Variants in EGFL6 observed in about 807,000 individuals in gnomAD.
The protein encoded by EGFL6 is epidermal growth factor-like protein 6.
A neutral mutation model predicts 43.1 loss-of-function variants in EGFL6; 42 were observed. The observed-to-expected ratio is 0.98, with a 90% CI of 0.76 to 1.26. The LOEUF (loss-of-function observed/expected upper bound fraction) is 1.26. Among genes scored for constraint, EGFL6 ranks in the 50% most tolerant of loss-of-function variants. The pLI is 0.00. For missense variants in EGFL6, 429 were observed against 427.8 expected, an observed-to-expected ratio of 1.00 and a Z score of -0.02; for synonymous variants, 164 against 163.2, an observed-to-expected ratio of 1.01 and a Z score of -0.04.
chrX:13,619,358 G>A, intron 9 of EGFL6, 115 bp downstream of exon 9: 3 of 639,696 alleles, frequency 4.7e-6, no homozygotes, highest in Non-Finnish European at 7.5e-6. Context: ...AAACCCCCAA[G>A]GGAAAAATCA....
intron 1 of EGFL6, among the ~76,000 whole-genome samples, chrX:13,582,830 A>G (rs1036513523): frequency 1.1e-4 from 12 of 111,744 alleles, no homozygotes; most frequent in African/African-American, 3.9e-4. Flanking sequence ...TGACTGGTAC[A>G]TATGAAGTAG....
chrX:13,627,342 C>A, intron 11 of EGFL6, 66 bp downstream of exon 11: 1 of 1,143,006 alleles, frequency 8.7e-7, no homozygotes, highest in Non-Finnish European at 1.2e-6. Context: ...ACAAATGAAA[C>A]AAAACATTTA....
rs775052235 is a variant in EGFL6, at chrX:13,597,533, C to T, written c.281-2442C>T. 3.6e-5 allele frequency among the ~76,000 whole-genome samples: 4 copies of T among 112,022 alleles called. No homozygotes were observed. The South Asian group carries it at 1.1e-3, about 31-fold the overall frequency. ...GCACAGTGGCTCACACCTGTAATTC[C>T]GGCACTTAGGGAGGTCGAGGTGGGT... On this transcript the variant is annotated intron_variant, in intron 3 of 11. Coordinates refer to ENST00000361306, the MANE Select transcript of EGFL6 (RefSeq NM_015507.4).
At chrX:13,623,604 C>T (rs778541271) in intron 9 of EGFL6, among the ~76,000 whole-genome samples, 1 of 107,660 alleles carries the variant, frequency 9.3e-6, no homozygotes, top group African/African-American at 3.4e-5. Flanking sequence ...GAACTCCTGA[C>T]CTCGTGATCT....
chrX:13,588,687 C>T (rs150363714), intron 1 of EGFL6, among the ~76,000 whole-genome samples: 2 of 110,386 alleles, frequency 1.8e-5, no homozygotes, highest in East Asian at 2.8e-4. Flanking sequence ...AGCCCATGAG[C>T]GAAGAACAGT....
intron 10 of EGFL6, among the ~76,000 whole-genome samples, chrX:13,625,862 G>A (rs2045776096): frequency 1.1e-5 from 1 of 94,831 alleles, no homozygotes; most frequent in South Asian, 5.3e-4. Context: ...CTCCAGCCTG[G>A]GTGACAGAGT....
At chrX:13,624,489 A>T (rs2045767621) in intron 10 of EGFL6, among the ~76,000 whole-genome samples, 1 of 110,225 alleles carries the variant, frequency 9.1e-6, no homozygotes, top group South Asian at 3.8e-4. Context: ...CTGTCCTTGA[A>T]TTTTTCTCAA....
intron 5 of EGFL6, among the ~76,000 whole-genome samples, chrX:13,605,073 AC>A (rs2045652798): frequency 8.9e-6 from 1 of 111,918 alleles, no homozygotes; most frequent in Non-Finnish European, 1.9e-5. Context: ...GATTTATATG[AC>A]AAGGCTAATT....
intron 9 of EGFL6, 137 bp from the exon 10 acceptor site, chrX:13,623,687 A>C (rs1193851961): frequency 6.6e-6 from 3 of 453,849 alleles, no homozygotes; most frequent in Non-Finnish European, 1.1e-5. Flanking sequence ...GGCTTCACAG[A>C]CATAACTCAA....
chrX:13,591,943 G>C (rs1328302658), intron 2 of EGFL6, among the ~76,000 whole-genome samples: 1 of 111,925 alleles, frequency 8.9e-6, no homozygotes, highest in East Asian at 2.8e-4. Context: ...AAGTTTGGGG[G>C]AGAACCAAAT....
intron 7 of EGFL6, among the ~76,000 whole-genome samples, chrX:13,612,952 C>G (rs2045699578): frequency 9.2e-6 from 1 of 109,227 alleles, no homozygotes; most frequent in African/African-American, 3.3e-5. Context: ...CAAGACCAGC[C>G]TGGGCAACAC....
intron 7 of EGFL6, among the ~76,000 whole-genome samples, chrX:13,613,157 C>CAT (rs35293457): frequency 0.34 from 30,262 of 89,097 alleles, 4,582 homozygotes; most frequent in East Asian, 0.59. Context: ...TAAATATATA[C>CAT]ATATATATAT....
intron 1 of EGFL6, among the ~76,000 whole-genome samples, chrX:13,588,481 G>A (rs770643938): frequency 8.9e-6 from 1 of 112,057 alleles, no homozygotes; most frequent in South Asian, 3.7e-4. Flanking sequence ...TACAATGCAA[G>A]TATTTTCCTT....
intron 1 of EGFL6, among the ~76,000 whole-genome samples, chrX:13,588,939 C>G (rs186930514): frequency 8.9e-6 from 1 of 111,984 alleles, no homozygotes; most frequent in East Asian, 2.8e-4. Context: ...GATCTCTGCT[C>G]TAAAATTAAG....
At chrX:13,597,732 T>C (rs907502731) in intron 3 of EGFL6, among the ~76,000 whole-genome samples, 4 of 110,829 alleles carry the variant, frequency 3.6e-5, no homozygotes, top group African/African-American at 9.9e-5. Context: ...TGCAGTGAGC[T>C]GAGATCGCGC....
chrX:13,627,388 A>T (rs761512295), intron 11 of EGFL6, 112 bp downstream of exon 11: 2 of 978,208 alleles, frequency 2.0e-6, no homozygotes, highest in East Asian at 3.1e-5. Flanking sequence ...CAACGATAAG[A>T]CTTTTTCCCT....
chrX:13,596,535 T>C (rs962128123), intron 3 of EGFL6: 1 of 112,318 alleles, frequency 8.9e-6, no homozygotes, highest in African/African-American at 3.2e-5. Flanking sequence ...TTCAAATTTA[T>C]CTGAGAATCC....
In EGFL6 at chrX:13,589,634, C is replaced by T. The variant is rs747542958; in HGVS notation, c.153C>T (p.Tyr51=). 7.4e-6 allele frequency: 9 copies of T among 1,209,045 alleles called. No individual in the cohort carries two copies. Among genetic ancestry groups the T allele is most frequent in the South Asian group, 3.5e-5 (2 of 56,639 alleles). Residue 51 remains tyrosine, a synonymous_variant, in exon 2 of 12, where the codon TAC becomes TAT. Coordinates refer to ENST00000361306, the MANE Select transcript of EGFL6 (RefSeq NM_015507.4). ...ATGGAACTAAACTGGCCTGCTGCTACGGCTGGAGAAGAAACAGCAAGGGAG... is the reference window on the plus strand; with the variant it reads ...ATGGAACTAAACTGGCCTGCTGCTATGGCTGGAGAAGAAACAGCAAGGGAG... ...CHYGTKLACC[Y]GWRRNSKGVC...
At chrX:13,572,108 T>C (rs952166733) in intron 1 of EGFL6, among the ~76,000 whole-genome samples, 12 of 112,285 alleles carry the variant, frequency 1.1e-4, no homozygotes, top group African/African-American at 3.6e-4. Context: ...TGCATGTACC[T>C]GCCCTTAAGC....
Sources: gnomAD v4.1 joint callset for allele counts (sites outside exome capture counted in the v4.1 genomes callset) on GRCh38, gnomAD v4.1.1 for gene constraint, MANE v1.5 for transcripts, NCBI Gene and HGNC (gene_info 2026-07-23, HGNC 2026-07-21) for gene names.